The following UNC80 variants were observed in gnomAD, a reference collection of about 807,000 sequenced individuals.
UNC80 encodes protein unc-80 homolog.
Under a neutral mutation model 384.6 loss-of-function variants are expected in UNC80, and 164 were observed. The observed-to-expected ratio is 0.43, with a 90% CI of 0.38 to 0.49. The LOEUF is 0.49. Ranked by LOEUF, UNC80 falls within the 20% of genes least tolerant of loss-of-function variation. The pLI is 0.00. For missense variants in UNC80, 3,330 were observed against 4,143.0 expected, an observed-to-expected ratio of 0.80 and a Z score of 5.39; for synonymous variants, 1,486 against 1,527.8, an observed-to-expected ratio of 0.97 and a Z score of 0.64.
chr2:209,973,247 C>G lies in UNC80; in HGVS notation c.8564C>G (p.Ser2855Cys), dbSNP rs1381093816. 2 of 1,551,628 alleles carry G rather than the reference C, an allele frequency of 1.3e-6. No homozygotes were observed. The highest frequency in any genetic ancestry group is 1.7e-6 in the Non-Finnish European group (2 of 1,146,960). The change falls in exon 56 of 65, where the codon TCC becomes TGC. Residue 2855 changes from serine (S) to cysteine (C), a missense_variant. Physicochemically the swap from Ser to Cys is moderately radical, Grantham distance 112. This residue lies in a region of UNC80 where 1,049 missense variants were observed against 1,488.6 expected (regional missense o/e 0.70). Coordinates refer to ENST00000673920, the MANE Select transcript of UNC80 (RefSeq NM_001371986.1). ...KDLRREGLAE[S>C]TSQAAYLALK... ...TTGCGCAGGGAAGGGCTGGCTGAGT[C>G]CACCAGCCAAGCAGCATACTTGGGT...
intron 47 of UNC80, among the ~76,000 whole-genome samples, chr2:209,952,560 G>T (rs2092233398): frequency 1.3e-5 from 2 of 152,090 alleles, no homozygotes; most frequent in African/African-American, 2.4e-5. Context: ...TTTCTGCTTG[G>T]ATTTCTCCTT....
Position 209,926,927 on chromosome 2 carries a change from C to T in UNC80, c.5747C>T (p.Ala1916Val). ...QAVFPACICA[A>V]VLPIVHLMED... ...GTGTTCCCAGCATGCATCTGTGCAG[C>T]AGTACTTCCCATTGTTCATCTGATG... is the stretch of plus-strand genomic sequence containing the variant. Residue 1916 changes from alanine (A) to valine (V), a missense_variant, in exon 36 of 65, where the codon GCA (alanine) becomes GTA (valine). Coordinates refer to ENST00000673920, the MANE Select transcript of UNC80 (RefSeq NM_001371986.1). 6.4e-7 allele frequency: 1 copy of T among 1,552,208 alleles called. No homozygotes were observed. The highest frequency in any genetic ancestry group is 8.7e-7 in the Non-Finnish European group (1 of 1,147,072).
At chr2:209,978,369 A>G (rs2093064576) in intron 58 of UNC80, among the ~76,000 whole-genome samples, 160 bp from the exon 59 acceptor site, 1 of 152,230 alleles carries the variant, frequency 6.6e-6, no homozygotes, top group Non-Finnish European at 1.5e-5. Context: ...TTAAAATAAA[A>G]AATCCCCACT....
chr2:209,827,384 G>C (rs867551208), intron 14 of UNC80, among the ~76,000 whole-genome samples: 1 of 152,048 alleles, frequency 6.6e-6, no homozygotes, highest in Non-Finnish European at 1.5e-5. Flanking sequence ...AGTATAAACT[G>C]GCTCCGATAA....
intron 53 of UNC80, chr2:209,970,382 GAAACCATCTTAGAGCATCTCATT>G (rs2092850240): frequency 5.7e-6 from 1 of 175,758 alleles, no homozygotes; most frequent in South Asian, 1.5e-4. Context: ...AAAATGTGTG[GAAACCATCTTAGAGCATCTCATT>G]AAATAGGACC....
At chr2:209,814,025 A>G (rs1222784026) in intron 8 of UNC80, among the ~76,000 whole-genome samples, 184 bp downstream of exon 8, 1 of 152,138 alleles carries the variant, frequency 6.6e-6, no homozygotes, top group Non-Finnish European at 1.5e-5. Context: ...TTAGCACTTA[A>G]TCATTTGAAG....
intron 7 of UNC80, among the ~76,000 whole-genome samples, chr2:209,805,777 A>T (rs79382540): frequency 0.023 from 3,468 of 152,264 alleles, 130 homozygotes; most frequent in African/African-American, 0.079. Flanking sequence ...AATCTTTTAC[A>T]ACCTAATCTC....
intron 7 of UNC80, among the ~76,000 whole-genome samples, chr2:209,799,085 G>GT (rs60812648): frequency 5.5e-5 from 8 of 144,784 alleles, no homozygotes; most frequent in Non-Finnish European, 7.6e-5. Flanking sequence ...TAAAATAAGT[G>GT]TTTTTTTTTT....
rs145453667 is a variant in UNC80, at chr2:209,902,863, G to T, written c.4582-1902G>T. On this transcript the variant is annotated intron_variant, in intron 28 of 64. Transcript: ENST00000673920. ...AACATTTGCTTTATTTTGGTGGTCT[G>T]GAACTGAACTCTCAATATCTCCAAG... Among the ~76,000 whole-genome samples, 37 of 151,876 alleles carry T rather than the reference G, an allele frequency of 2.4e-4. No homozygotes were observed. The East Asian group carries it at 7.2e-3, about 30-fold the overall frequency.
chr2:209,793,390 C>T (rs909553440), intron 6 of UNC80, among the ~76,000 whole-genome samples: 4 of 152,126 alleles, frequency 2.6e-5, no homozygotes, highest in African/African-American at 9.7e-5. Context: ...CAGTTCACCT[C>T]TGTATGATGA....
chr2:209,913,783 G>A lies in UNC80; in HGVS notation c.4891-19G>A. 1.3e-6 allele frequency: 2 copies of A among 1,536,882 alleles called. No individual in the cohort carries two copies. Among genetic ancestry groups the A allele is most frequent in the Non-Finnish European group, 8.8e-7 (1 of 1,136,342 alleles). ...ACTGTCTTAAAAGATTTTAAAACAT[G>A]ATTTCCATCTTTTCCCAGGTGATGA... is the stretch of plus-strand genomic sequence containing the variant. On this transcript the variant is annotated intron_variant, in intron 30 of 64. Transcript: ENST00000673920.
chr2:209,819,610 A>G (rs920614051), intron 12 of UNC80, among the ~76,000 whole-genome samples: 6 of 152,230 alleles, frequency 3.9e-5, no homozygotes. Context: ...TTTTGGTATT[A>G]ACAAGACTAC....
chr2:209,994,287 C>A, intron 64 of UNC80, 23 bp downstream of exon 64: 1 of 1,536,010 alleles, frequency 6.5e-7, no homozygotes, highest in Non-Finnish European at 8.8e-7. Context: ...GAGAAACAGG[C>A]AAGGCTTGCT....
chr2:209,787,560 A>G (rs2077518131), intron 5 of UNC80, among the ~76,000 whole-genome samples: 1 of 152,174 alleles, frequency 6.6e-6, no homozygotes, highest in African/African-American at 2.4e-5. Flanking sequence ...TGTGTTTACA[A>G]CAGTAGTCCC....
chr2:209,948,878 ATTCTTAG>A (rs2092029490), intron 47 of UNC80, among the ~76,000 whole-genome samples: 1 of 152,114 alleles, frequency 6.6e-6, no homozygotes, highest in Non-Finnish European at 1.5e-5. Flanking sequence ...TCTGCCTTCT[ATTCTTAG>A]TTTAGTTTGA....
chr2:209,969,740 C>T lies in UNC80; in HGVS notation c.8007-28C>T, dbSNP rs113027596. ...CAGACTCTCCAGAAGGGAGCCAAGA[C>T]GCTAATGGCGCCTATATTGTATTCC... On this transcript the variant is annotated intron_variant, in intron 52 of 64. Coordinates refer to ENST00000673920, the MANE Select transcript of UNC80 (RefSeq NM_001371986.1). 6.5e-4 allele frequency: 1,009 copies of T among 1,550,960 alleles called. 10 individuals are homozygous for T. In the African/African-American group the frequency reaches 0.012, roughly 18 times the overall value.
chr2:209,844,883 A>T (rs1273817031), intron 21 of UNC80, among the ~76,000 whole-genome samples: 1 of 151,910 alleles, frequency 6.6e-6, no homozygotes, highest in African/African-American at 2.4e-5. Flanking sequence ...GATTACAGGC[A>T]TGAACCACCA....
intron 2 of UNC80, 51 bp from the exon 3 acceptor site, chr2:209,775,838 C>T (rs772253985): frequency 2.8e-5 from 44 of 1,567,258 alleles, no homozygotes; most frequent in Non-Finnish European, 3.4e-5. Flanking sequence ...TCTTAGTTTA[C>T]GTGGTTTTGG....
chr2:209,935,620 C>T (rs2091194117), intron 39 of UNC80, 94 bp from the exon 40 acceptor site: 4 of 523,266 alleles, frequency 7.6e-6, no homozygotes, highest in East Asian at 7.4e-5. Flanking sequence ...ACAGTAAAAA[C>T]ATCAGCTTAT....
Sources: allele counts gnomAD v4.1 joint callset (sites outside exome capture counted in the v4.1 genomes callset), GRCh38; gene constraint gnomAD v4.1.1; regional missense constraint gnomAD v4.1.1; transcripts MANE v1.5; gene names NCBI Gene and HGNC (gene_info 2026-07-23, HGNC 2026-07-21).